The following GRIA3 variants were observed in gnomAD, a reference collection of about 807,000 sequenced individuals.
The protein encoded by GRIA3 is glutamate ionotropic receptor AMPA type subunit 3.
A neutral mutation model predicts 63.0 loss-of-function variants in GRIA3; 3 were observed. That is an observed-to-expected ratio of 0.05 (90% CI 0.02 to 0.12). GRIA3 has a LOEUF of 0.12. Among genes scored for constraint, GRIA3 ranks in the 10% least tolerant of loss-of-function variants. The probability of loss-of-function intolerance (pLI) is 1.00; values close to 1 mark genes in which losing one functional copy is unlikely to be tolerated. For synonymous variants in GRIA3, 274 were observed against 257.9 expected (o/e 1.06, Z -0.60); for missense variants, 347 against 700.9 (o/e 0.50, Z 5.70).
At chrX:123,359,632 C>T (rs2045156332) in intron 5 of GRIA3, among the ~76,000 whole-genome samples, 1 of 112,056 alleles carries the variant, frequency 8.9e-6, no homozygotes, top group South Asian at 3.8e-4. Context: ...TCTGAAGGAT[C>T]AATCAAAAAC....
intron 1 of GRIA3, chrX:123,184,933 G>C (rs1177213274): frequency 2.3e-6 from 1 of 440,767 alleles, no homozygotes; most frequent in Middle Eastern, 3.5e-4. Context: ...GCGAGCAGGA[G>C]GCTGGGATGC....
chrX:123,247,350 A>G (rs888103075), intron 2 of GRIA3, among the ~76,000 whole-genome samples: 1 of 111,661 alleles, frequency 9.0e-6, no homozygotes, highest in South Asian at 3.8e-4. Flanking sequence ...CACACTGTAC[A>G]TTAACAATAC....
chrX:123,345,101 G>C (rs1341795831), intron 4 of GRIA3, among the ~76,000 whole-genome samples: 2 of 111,049 alleles, frequency 1.8e-5, no homozygotes, highest in African/African-American at 6.6e-5. Context: ...AGGGAATGTA[G>C]ATTATGTTCC....
At chrX:123,439,239 C>A (rs373390191) in intron 12 of GRIA3, among the ~76,000 whole-genome samples, 1 of 111,891 alleles carries the variant, frequency 8.9e-6, no homozygotes, top group African/African-American at 3.2e-5. Context: ...TCATTGTCCT[C>A]CCTCTGTTTT....
At chrX:123,444,837 C>A (rs941940886) in intron 12 of GRIA3, among the ~76,000 whole-genome samples, 1 of 111,282 alleles carries the variant, frequency 9.0e-6, no homozygotes, top group Non-Finnish European at 1.9e-5. Flanking sequence ...TTCTACATTG[C>A]CATTGCCATT....
At chrX:123,446,836 T>G (rs1448456232) in intron 12 of GRIA3, among the ~76,000 whole-genome samples, 1 of 111,207 alleles carries the variant, frequency 9.0e-6, no homozygotes, top group African/African-American at 3.3e-5. Flanking sequence ...TAGAAGGCAA[T>G]CAGGTGAGTC....
Position 123,214,287 on chromosome X carries a change from G to A in GRIA3, c.268+28297G>A, listed in dbSNP as rs1237488345. 4.5e-5 allele frequency among the ~76,000 whole-genome samples: 5 copies of A among 111,379 alleles called. No homozygotes were observed. The East Asian group carries it at 8.4e-4, about 19-fold the overall frequency. On this transcript the variant is annotated intron_variant, in intron 2 of 15. Transcript: ENST00000620443. Reference sequence around the variant, plus strand: ...TTTAAGGTTTTCAGAAGCAGTAACCGGCAAACAGATTTAAGGTCTGTTCAC... The same window carrying A: ...TTTAAGGTTTTCAGAAGCAGTAACCAGCAAACAGATTTAAGGTCTGTTCAC...
chrX:123,474,500 G>A (rs749749742), intron 13 of GRIA3, among the ~76,000 whole-genome samples: 4 of 110,604 alleles, frequency 3.6e-5, no homozygotes, highest in South Asian at 7.7e-4. Context: ...TGGCCAACAT[G>A]GTGAAACCCC....
At chrX:123,433,731 C>A (rs1206435453) in intron 12 of GRIA3, among the ~76,000 whole-genome samples, 1 of 111,615 alleles carries the variant, frequency 9.0e-6, no homozygotes, top group Admixed American at 9.5e-5. Flanking sequence ...GTGACTTGCT[C>A]CAGTGCCCTA....
chrX:123,240,686 AG>A (rs1299321984), intron 2 of GRIA3, among the ~76,000 whole-genome samples: 1 of 112,042 alleles, frequency 8.9e-6, no homozygotes, highest in Non-Finnish European at 1.9e-5. Flanking sequence ...TTTTGATCTT[AG>A]GTAATAACAC....
Position 123,333,317 on chromosome X carries a change from A to T in GRIA3, c.696+7104A>T, listed in dbSNP as rs756088950. 2.7e-5 allele frequency among the ~76,000 whole-genome samples: 3 copies of T among 111,482 alleles called. No homozygotes were observed. In the South Asian group the frequency reaches 1.1e-3, roughly 42 times the overall value. Reference sequence around the variant, plus strand: ...TCACTGAATATTCAGGAGGTAATTCATATAGAAGAAGGAAGGCAAATGGGA... The same window carrying T: ...TCACTGAATATTCAGGAGGTAATTCTTATAGAAGAAGGAAGGCAAATGGGA... On this transcript the variant is annotated intron_variant, in intron 4 of 15. Transcript: ENST00000620443.
At chrX:123,340,570 G>T (rs1388350779) in intron 4 of GRIA3, among the ~76,000 whole-genome samples, 1 of 112,367 alleles carries the variant, frequency 8.9e-6, no homozygotes, top group Non-Finnish European at 1.9e-5. Context: ...CTTCATGAGG[G>T]CAGGGTGTTT....
At chrX:123,449,884 C>T (rs977967561) in intron 12 of GRIA3, among the ~76,000 whole-genome samples, 2 of 111,698 alleles carry the variant, frequency 1.8e-5, no homozygotes, top group African/African-American at 3.3e-5. Context: ...GTGCCCCTGA[C>T]ATATCGGGGT....
At chrX:123,285,609 G>T (rs1272146654) in intron 3 of GRIA3, among the ~76,000 whole-genome samples, 2 of 97,371 alleles carry the variant, frequency 2.1e-5, no homozygotes, top group Non-Finnish European at 4.1e-5. Flanking sequence ...AAAAGCAGGG[G>T]TTGCAGTCCT....
At chrX:123,351,464 T>A (rs1355142644) in intron 4 of GRIA3, among the ~76,000 whole-genome samples, 1 of 112,235 alleles carries the variant, frequency 8.9e-6, no homozygotes, top group Admixed American at 9.4e-5. Context: ...ATTGGGACTT[T>A]GAGCATTTCT....
intron 2 of GRIA3, among the ~76,000 whole-genome samples, chrX:123,236,941 G>T (rs1368525530): frequency 8.9e-6 from 1 of 111,844 alleles, no homozygotes; most frequent in African/African-American, 3.2e-5. Flanking sequence ...CACACATGAG[G>T]CAAGCAGGCC....
intron 3 of GRIA3, among the ~76,000 whole-genome samples, chrX:123,284,075 T>A (rs1392025423): frequency 8.9e-6 from 1 of 112,866 alleles, no homozygotes; most frequent in African/African-American, 3.2e-5. Flanking sequence ...TTTGCTGTTC[T>A]GCAGCCTCTG....
chrX:123,195,387 G>A (rs755598515), intron 2 of GRIA3, among the ~76,000 whole-genome samples: 72 of 112,128 alleles, frequency 6.4e-4, no homozygotes, highest in Non-Finnish European at 9.4e-4. Flanking sequence ...ACTAGCTCAA[G>A]GTCCCACAAC....
intron 11 of GRIA3, among the ~76,000 whole-genome samples, chrX:123,426,401 C>G (rs997296004): frequency 3.6e-5 from 4 of 111,900 alleles, no homozygotes; most frequent in Non-Finnish European, 7.5e-5. Flanking sequence ...TGATGCAGGA[C>G]CAAACTTGCA....
Sources: gnomAD v4.1 joint callset for allele counts (sites outside exome capture counted in the v4.1 genomes callset) on GRCh38, gnomAD v4.1.1 for gene constraint, MANE v1.5 for transcripts, NCBI Gene and HGNC (gene_info 2026-07-23, HGNC 2026-07-21) for gene names.